The following PREX2 variants were observed in gnomAD, a reference collection of about 807,000 sequenced individuals.
The protein encoded by PREX2 is phosphatidylinositol-3,4,5-trisphosphate dependent Rac exchange factor 2, also known as phosphatidylinositol 3,4,5-trisphosphate-dependent Rac exchanger 2 protein.
Under a neutral mutation model 203.2 loss-of-function variants are expected in PREX2, and 107 were observed. That is an observed-to-expected ratio of 0.53 (90% CI 0.45 to 0.62). The LOEUF (loss-of-function observed/expected upper bound fraction) is 0.62, where lower values mean the gene tolerates loss of function less well. Among genes scored for constraint, PREX2 ranks in the 20% least tolerant of loss-of-function variants. The pLI is 0.00. For missense variants in PREX2, 1,777 were observed against 1,955.9 expected, an observed-to-expected ratio of 0.91 and a Z score of 1.72; for synonymous variants, 672 against 663.6, an observed-to-expected ratio of 1.01 and a Z score of -0.19.
chr8:67,987,233 T>A (rs574736705), intron 1 of PREX2, among the ~76,000 whole-genome samples: 133 of 152,074 alleles, frequency 8.7e-4, no homozygotes, highest in Admixed American at 2.0e-3. Context: ...CAAGTCATTG[T>A]TTTCATTTTT....
intron 1 of PREX2, among the ~76,000 whole-genome samples, chr8:68,012,660 C>T (rs1046025840): frequency 2.6e-5 from 4 of 152,158 alleles, no homozygotes; most frequent in Non-Finnish European, 5.9e-5. Flanking sequence ...ATTATTCTGT[C>T]AGTTTCTGGA....
At chr8:68,097,437 G>A (rs780490936) in intron 22 of PREX2, among the ~76,000 whole-genome samples, 1 of 151,650 alleles carries the variant, frequency 6.6e-6, no homozygotes, top group Non-Finnish European at 1.5e-5. Flanking sequence ...CAATTCTCAT[G>A]CCTCAGTCTC....
Position 68,090,640 on chromosome 8 carries a change from C to T in PREX2, c.2175C>T (p.Ile725=), listed in dbSNP as rs377274675. 5.0e-6 allele frequency: 8 copies of T among 1,613,772 alleles called. No individual in the cohort carries two copies. Among genetic ancestry groups the T allele is most frequent in the Admixed American group, 3.3e-5 (2 of 59,984 alleles). The change falls in exon 20 of 40, where the codon ATC becomes ATT. Residue 725 remains isoleucine (I), a synonymous_variant. Transcript: ENST00000288368. ...PGQCIIKVNG[I]NVSKETHASV... ...AGTGCATTATCAAGGTGAATGGAAT[C>T]AATGTCAGCAAAGAGACACATGCCA...
chr8:68,197,737 T>A (rs1351402499), intron 37 of PREX2, among the ~76,000 whole-genome samples: 1 of 148,376 alleles, frequency 6.7e-6, no homozygotes, highest in Non-Finnish European at 1.5e-5. Flanking sequence ...ATATACATAA[T>A]ATATATGCTA....
intron 37 of PREX2, 96 bp from the exon 38 acceptor site, chr8:68,217,520 G>T (rs1450824709): frequency 3.6e-6 from 3 of 826,446 alleles, no homozygotes; most frequent in Non-Finnish European, 4.0e-6. Context: ...TTTTATTTTG[G>T]CTGGTGCTTT....
chr8:68,217,598 C>A lies in PREX2; in HGVS notation c.4605-18C>A. On this transcript the variant is annotated intron_variant, in intron 37 of 39. Transcript: ENST00000288368. The stretch of plus-strand genomic sequence containing the variant: ...TCAGGAACCATGGGGTCTGACTTGC[C>A]CTTGCCTTGGCCCACAGGTGCACCC... 1 of 1,606,898 alleles carries A rather than the reference C, an allele frequency of 6.2e-7. No homozygotes were observed. The highest frequency in any genetic ancestry group is 8.5e-7 in the Non-Finnish European group (1 of 1,173,600).
intron 1 of PREX2, among the ~76,000 whole-genome samples, chr8:67,964,088 A>T (rs1805705147): frequency 1.3e-5 from 2 of 152,318 alleles, no homozygotes; most frequent in African/African-American, 4.8e-5. Flanking sequence ...GGGAACCAGT[A>T]TAGTAGGGTG....
rs775365834 is a variant in PREX2, at chr8:68,097,093, C to G, written c.2445C>G (p.Val815=). Residue 815 remains valine (V), a synonymous_variant, in exon 22 of 40, where the codon GTC becomes GTG. Transcript: ENST00000288368. ...ATGTGAGTCTGACAGTGGACAATGT[C>G]CACCTGGAATATGGTGTCGTGTATG... ...KEHVSLTVDN[V]HLEYGVVYEY... is the part of the protein sequence containing the mutation. 1 of 1,613,882 alleles carries G rather than the reference C, an allele frequency of 6.2e-7. No homozygotes were observed. The highest frequency in any genetic ancestry group is 8.5e-7 in the Non-Finnish European group (1 of 1,179,864).
At chr8:68,211,361 T>G (rs1812739199) in intron 37 of PREX2, among the ~76,000 whole-genome samples, 1 of 152,196 alleles carries the variant, frequency 6.6e-6, no homozygotes, top group African/African-American at 2.4e-5. Flanking sequence ...GAACATCTCT[T>G]TAGAATAAAA....
intron 25 of PREX2, among the ~76,000 whole-genome samples, chr8:68,109,824 T>C (rs1372976928): frequency 1.3e-5 from 2 of 152,146 alleles, no homozygotes; most frequent in Admixed American, 6.5e-5. Flanking sequence ...TAAGTAAGCA[T>C]TTAATACTAG....
chr8:68,168,526 C>T (rs1404059425), intron 35 of PREX2, among the ~76,000 whole-genome samples: 2 of 152,186 alleles, frequency 1.3e-5, no homozygotes, highest in Non-Finnish European at 2.9e-5. Flanking sequence ...GTGCCTTTGT[C>T]AGAATTACCT....
chr8:67,973,380 A>G (rs1170673410), intron 1 of PREX2, among the ~76,000 whole-genome samples: 1 of 152,108 alleles, frequency 6.6e-6, no homozygotes. Flanking sequence ...TGCTGTAGCT[A>G]CTCCTGAAGA....
At chr8:68,188,168 T>C (rs34276874) in intron 35 of PREX2, among the ~76,000 whole-genome samples, 38,428 of 152,096 alleles carry the variant, frequency 0.25, 5,192 homozygotes, top group African/African-American at 0.37. Flanking sequence ...CTCACTAGTT[T>C]GGGGACATGA....
chr8:68,218,933 C>T (rs2129615352), intron 38 of PREX2, among the ~76,000 whole-genome samples: 1 of 152,228 alleles, frequency 6.6e-6, no homozygotes, highest in Non-Finnish European at 1.5e-5. Context: ...TGTGATTTGC[C>T]AGCAGGTTTA....
intron 30 of PREX2, among the ~76,000 whole-genome samples, chr8:68,121,332 A>G (rs1212946662): frequency 6.6e-6 from 1 of 152,128 alleles, no homozygotes; most frequent in East Asian, 1.9e-4. Flanking sequence ...TTAAGACTCT[A>G]TAAAAGGAGA....
chr8:68,093,810 A>G (rs1010005335), intron 21 of PREX2, 88 bp downstream of exon 21: 4 of 602,378 alleles, frequency 6.6e-6, no homozygotes, highest in Non-Finnish European at 1.2e-5. Context: ...GGTCCTGTAC[A>G]TGTTGAAGCC....
chr8:68,194,199 C>T (rs1217276468), intron 37 of PREX2, among the ~76,000 whole-genome samples: 1 of 152,106 alleles, frequency 6.6e-6, no homozygotes, highest in Non-Finnish European at 1.5e-5. Flanking sequence ...CATTGAGCAC[C>T]AATCATGTGC....
rs58916146 is a variant in PREX2 at position 67,999,478 on chromosome 8, C to CAAAAAAAAAA, written c.142-18360_142-18351dup. Among the ~76,000 whole-genome samples the CAAAAAAAAAA allele has an allele frequency of 6.5e-4, 60 of 92,006 alleles. 1 individual carries two copies. Among genetic ancestry groups the CAAAAAAAAAA allele is most frequent in the Non-Finnish European group, 8.2e-4 (38 of 46,466 alleles). The allele number at this position is 92,006 out of a possible 152,430, so 60.4% of individuals were successfully genotyped here. On this transcript the variant is annotated intron_variant, in intron 1 of 39. Transcript: ENST00000288368. ...AATCAGTAATAAATAGCCAACAAAC[C>CAAAAAAAAAA]AAAAAAAAAAAAAAAAAGCCCAGAA...
intron 11 of PREX2, among the ~76,000 whole-genome samples, chr8:68,063,497 G>A (rs1477829184): frequency 6.6e-6 from 1 of 152,124 alleles, no homozygotes; most frequent in African/African-American, 2.4e-5. Flanking sequence ...TGCATGAGGA[G>A]AGCACCATCA....
Sources: gnomAD v4.1 joint callset for allele counts (sites outside exome capture counted in the v4.1 genomes callset) on GRCh38, gnomAD v4.1.1 for gene constraint, MANE v1.5 for transcripts, NCBI Gene and HGNC (gene_info 2026-07-23, HGNC 2026-07-21) for gene names.